The following BTD variants were observed in gnomAD, a reference collection of about 807,000 sequenced individuals.
BTD encodes the protein biotinidase.
A neutral mutation model predicts 17.7 loss-of-function variants in BTD; 13 were observed. The observed-to-expected ratio is 0.74, with a 90% CI of 0.48 to 1.17. The LOEUF is 1.17. Ranked by LOEUF, BTD falls within the 50% of genes most tolerant of loss-of-function variation. The probability of loss-of-function intolerance (pLI) is 0.00; values close to 1 mark genes in which losing one functional copy is unlikely to be tolerated. For synonymous variants in BTD, 240 were observed against 245.2 expected (o/e 0.98, Z 0.20); for missense variants, 674 against 650.4 (o/e 1.04, Z -0.39).
chr3:15,661,020 C>A (rs886194510), intron 3 of BTD, among the ~76,000 whole-genome samples: 2 of 152,002 alleles, frequency 1.3e-5, no homozygotes, highest in African/African-American at 4.8e-5. Flanking sequence ...AATCCCAGCA[C>A]TTTGGGAGGC....
rs1210666297 is a variant in BTD at position 15,648,608 on chromosome 3, G to C, written c.*3120G>C. Reference sequence around the variant, plus strand: ...AGGTGACAGTGAAGATATCAACCAAGGCTGCAGCCGGTTGAAGGCCTCACT... The same window carrying C: ...AGGTGACAGTGAAGATATCAACCAACGCTGCAGCCGGTTGAAGGCCTCACT... On this transcript the variant is annotated 3_prime_UTR_variant, in exon 4 of 4. Transcript: ENST00000643237. Among the ~76,000 whole-genome samples, 1 of 152,182 alleles carries C rather than the reference G, an allele frequency of 6.6e-6. No individual in the cohort carries two copies. Among genetic ancestry groups the C allele is most frequent in the East Asian group, 1.9e-4 (1 of 5,198 alleles).
At chr3:15,715,694 C>G (rs559310502), downstream of BTD, among the ~76,000 whole-genome samples, 1 of 152,284 alleles carries the variant, frequency 6.6e-6, no homozygotes, top group South Asian at 2.1e-4. Flanking sequence ...AGTTGCCTAA[C>G]TTCTTTGTGC....
At chr3:15,617,893 A>C (rs1041066335) in intron 1 of BTD, among the ~76,000 whole-genome samples, 2 of 151,984 alleles carry the variant, frequency 1.3e-5, no homozygotes, top group African/African-American at 4.8e-5. Flanking sequence ...GAGTTTTCTG[A>C]CTTCATTCTT....
chr3:15,696,377 CTATAAAA>C, intron 3 of BTD: 1 of 554,862 alleles, frequency 1.8e-6, no homozygotes, highest in African/African-American at 1.9e-5. Flanking sequence ...ATGTATTACA[CTATAAAA>C]ATGTCATTTA....
chr3:15,635,340 G>A lies in BTD; in HGVS notation c.-16-84G>A. 1 of 1,595,162 alleles carries A rather than the reference G, an allele frequency of 6.3e-7. No individual in the cohort carries two copies. Among genetic ancestry groups the A allele is most frequent in the Non-Finnish European group, 8.6e-7 (1 of 1,166,238 alleles). ...CACTGCGAGTGAGTTTAATTGCTGG[G>A]ATTAATAAATCACAGCTGCAAACGT... On this transcript the variant is annotated intron_variant, in intron 1 of 3. Coordinates refer to ENST00000643237, the MANE Select transcript of BTD (RefSeq NM_001370658.1). This position sits in a 1 kb window ranked among gnomAD's most constrained non-coding sequence, Gnocchi z 4.1.
intron 3 of BTD, chr3:15,694,665 G>A (rs1355102253): frequency 4.5e-6 from 6 of 1,328,552 alleles, no homozygotes; most frequent in African/African-American, 2.9e-5. Context: ...ACTAGTTTGA[G>A]TCAACACAAA....
chr3:15,602,352 C>G, intron 1 of BTD: 1 of 1,007,358 alleles, frequency 9.9e-7, no homozygotes. Context: ...GCTACTAATC[C>G]ATATTACTCT....
chr3:15,714,436 T>A, downstream of BTD: 1 of 648,874 alleles, frequency 1.5e-6, no homozygotes, highest in Non-Finnish European at 2.5e-6. Context: ...TAATATTTTA[T>A]TTTCATGAGC....
exon 4 of BTD, chr3:15,712,311 A>C (rs1233411123): frequency 9.2e-7 from 1 of 1,087,978 alleles, no homozygotes; most frequent in African/African-American, 1.6e-5. Context: ...CACTTAAGTG[A>C]AAGATAACTA....
In BTD at chr3:15,645,513, G is replaced by T; in HGVS notation, c.*25G>T. The stretch of plus-strand genomic sequence containing the variant: ...GGAAAAGTGTGTGGTCTGTGGGGCG[G>T]ACTCTGGCCATCATGTTGACAGCCT... On this transcript the variant is annotated 3_prime_UTR_variant, in exon 4 of 4. Coordinates refer to ENST00000643237, the MANE Select transcript of BTD (RefSeq NM_001370658.1). 6.3e-7 allele frequency: 1 copy of T among 1,599,168 alleles called. No homozygotes were observed. Among genetic ancestry groups the T allele is most frequent in the Non-Finnish European group, 8.5e-7 (1 of 1,179,570 alleles).
intron 3 of BTD, among the ~76,000 whole-genome samples, chr3:15,666,585 A>G (rs1378198315): frequency 1.3e-5 from 2 of 152,390 alleles, no homozygotes; most frequent in Admixed American, 1.3e-4. Flanking sequence ...AGGTTATTAA[A>G]GCCCTCTTCA....
At chr3:15,658,184 AAAG>A (rs2065890428), downstream of BTD, among the ~76,000 whole-genome samples, 2 of 147,210 alleles carry the variant, frequency 1.4e-5, no homozygotes, top group Admixed American at 6.8e-5. Context: ...AAAAAAAAAG[AAAG>A]AAAGAAAAAG....
At chr3:15,622,010 C>T (rs925009391) in intron 1 of BTD, among the ~76,000 whole-genome samples, 1 of 152,128 alleles carries the variant, frequency 6.6e-6, no homozygotes, top group Non-Finnish European at 1.5e-5. Context: ...TATGTGCCCT[C>T]TTTCATTGCT....
At chr3:15,604,089 C>G (rs1308059370) in intron 1 of BTD, among the ~76,000 whole-genome samples, 1 of 152,216 alleles carries the variant, frequency 6.6e-6, no homozygotes, top group Admixed American at 6.5e-5. Context: ...ACAGTTCCAC[C>G]AGCAGTGCCC....
intron 1 of BTD, among the ~76,000 whole-genome samples, chr3:15,632,042 C>T (rs978680435): frequency 2.0e-5 from 3 of 152,160 alleles, no homozygotes; most frequent in Non-Finnish European, 2.9e-5. Context: ...TTCTTGCACC[C>T]GCCCGTGAGG....
In BTD at chr3:15,635,822, G is replaced by A. The variant is rs2065333445; in HGVS notation, c.249+134G>A. 1.6e-6 allele frequency: 2 copies of A among 1,290,274 alleles called. No individual in the cohort carries two copies. Among genetic ancestry groups the A allele is most frequent in the Admixed American group, 1.9e-5 (1 of 53,670 alleles). The allele number at this position is 1,290,274 out of a possible 1,614,324, so 79.9% of individuals were successfully genotyped here. ...CATCCAGGTAGTTAACCTGAGTTGA[G>A]TTAGTCAGTTGAATTAGGAGCCTTA... is the stretch of plus-strand genomic sequence containing the variant. On this transcript the variant is annotated intron_variant, in intron 2 of 3. Coordinates refer to ENST00000643237, the MANE Select transcript of BTD (RefSeq NM_001370658.1). The surrounding 1 kb of genome is among the most constrained non-coding windows in gnomAD (Gnocchi z 4.1).
chr3:15,656,091 C>G (rs1320133977), downstream of BTD, among the ~76,000 whole-genome samples: 1 of 152,246 alleles, frequency 6.6e-6, no homozygotes, highest in Non-Finnish European at 1.5e-5. Context: ...GCATGAGCCA[C>G]TGCACCCAGC....
intron 3 of BTD, chr3:15,685,912 A>G: frequency 1.0e-6 from 1 of 990,120 alleles, no homozygotes; most frequent in Non-Finnish European, 1.5e-6. Flanking sequence ...CGAACATTTA[A>G]TGAAGAAAAA....
intron 3 of BTD, chr3:15,668,802 C>T (rs1207377762): frequency 6.6e-6 from 1 of 152,566 alleles, no homozygotes; most frequent in South Asian, 2.1e-4. Context: ...TTCAGAAAAA[C>T]CAGCTGATAA....
Sources: gnomAD v4.1 joint callset for allele counts (sites outside exome capture counted in the v4.1 genomes callset) on GRCh38, gnomAD v4.1.1 for gene constraint, Gnocchi (gnomAD v3.1) non-coding constraint, MANE v1.5 for transcripts, NCBI Gene and HGNC (gene_info 2026-07-23, HGNC 2026-07-21) for gene names.